Variants in PRKCA observed in about 807,000 individuals in gnomAD.
PRKCA encodes protein kinase C alpha type.
In PRKCA, 27 loss-of-function variants were observed where a neutral mutation model predicts 87.0. The observed-to-expected ratio is 0.31, with a 90% confidence interval of 0.23 to 0.43. The LOEUF (loss-of-function observed/expected upper bound fraction) is 0.43. Among genes scored for constraint, PRKCA ranks in the 20% least tolerant of loss-of-function variants. PRKCA has a pLI of 1.00. For synonymous variants in PRKCA, 329 were observed against 311.1 expected (o/e 1.06, Z -0.61); for missense variants, 518 against 852.3 (o/e 0.61, Z 4.88).
At chr17:66,511,484 CGTT>C (rs1209471399) in intron 3 of PRKCA, among the ~76,000 whole-genome samples, 1 of 152,046 alleles carries the variant, frequency 6.6e-6, no homozygotes, top group East Asian at 1.9e-4. Flanking sequence ...TCATCGTAAT[CGTT>C]GTTTTTTCCC....
intron 3 of PRKCA, among the ~76,000 whole-genome samples, chr17:66,571,054 C>T (rs1969065973): frequency 6.6e-6 from 1 of 152,206 alleles, no homozygotes. Context: ...TTTGCATAAA[C>T]CACACATTCC....
chr17:66,501,970 A>G (rs1436264511), intron 3 of PRKCA, among the ~76,000 whole-genome samples: 2 of 152,144 alleles, frequency 1.3e-5, no homozygotes, highest in East Asian at 1.9e-4. Context: ...AGGAAGGGCT[A>G]GTGGTGTGGG....
At chr17:66,769,717 A>G (rs1406532862) in intron 13 of PRKCA, among the ~76,000 whole-genome samples, 2 of 152,194 alleles carry the variant, frequency 1.3e-5, no homozygotes. Context: ...ATGTTTGTGG[A>G]ACCTTGTCAC....
At chr17:66,544,994 T>C (rs2143162848) in intron 3 of PRKCA, among the ~76,000 whole-genome samples, 1 of 152,378 alleles carries the variant, frequency 6.6e-6, no homozygotes, top group East Asian at 1.9e-4. Flanking sequence ...GATAAGTAAC[T>C]TACCGAAAGT....
At chr17:66,486,691 G>GA (rs1168614409) in intron 2 of PRKCA, among the ~76,000 whole-genome samples, 1 of 152,018 alleles carries the variant, frequency 6.6e-6, no homozygotes, top group East Asian at 1.9e-4. Context: ...ACAGTCCCCC[G>GA]TTGTCTTTTG....
At chr17:66,453,647 C>T (rs1567837309) in intron 2 of PRKCA, among the ~76,000 whole-genome samples, 1 of 152,126 alleles carries the variant, frequency 6.6e-6, no homozygotes, top group African/African-American at 2.4e-5. Context: ...CCCTGCTTGC[C>T]TCCCTTTGCG....
chr17:66,693,416 TG>T lies in PRKCA; in HGVS notation c.918+4372del, dbSNP rs552316339. Among the ~76,000 whole-genome samples the T allele has an allele frequency of 3.9e-3, 601 of 152,340 alleles. 4 individuals are homozygous for T. Among genetic ancestry groups the T allele is most frequent in the African/African-American group, 0.014 (563 of 41,570 alleles). ...GTTAAAAAAAGTAAGGTGCCAGCAG[TG>T]GGCTAAGCAGACAGTTCCTGCTTTC... On this transcript the variant is annotated intron_variant, in intron 8 of 16. Coordinates refer to ENST00000413366, the MANE Select transcript of PRKCA (RefSeq NM_002737.3).
chr17:66,330,954 C>CT (rs1906288272), intron 2 of PRKCA, among the ~76,000 whole-genome samples: 1 of 152,156 alleles, frequency 6.6e-6, no homozygotes, highest in Non-Finnish European at 1.5e-5. Context: ...TTTAGTAAGA[C>CT]TTTCATCTGT....
intron 2 of PRKCA, among the ~76,000 whole-genome samples, chr17:66,456,641 C>T (rs1914586199): frequency 6.6e-6 from 1 of 152,172 alleles, no homozygotes; most frequent in African/African-American, 2.4e-5. Flanking sequence ...GCTCCCTTCT[C>T]TGCTGTTGGA....
intron 16 of PRKCA, among the ~76,000 whole-genome samples, chr17:66,798,472 GGTGGTGGT>G (rs1467780281): frequency 9.8e-4 from 62 of 62,946 alleles, no homozygotes; most frequent in Non-Finnish European, 1.3e-3. Flanking sequence ...TGGTGGTGGT[GGTGGTGGT>G]GGTGGTGACG....
At chr17:66,401,435 G>A (rs1467944933) in intron 2 of PRKCA, among the ~76,000 whole-genome samples, 1 of 152,170 alleles carries the variant, frequency 6.6e-6, no homozygotes, top group Non-Finnish European at 1.5e-5. Context: ...TGACATTCAG[G>A]GAGATGATAG....
chr17:66,531,254 A>G (rs1300901193), intron 3 of PRKCA, among the ~76,000 whole-genome samples: 1 of 152,206 alleles, frequency 6.6e-6, no homozygotes, highest in Non-Finnish European at 1.5e-5. Flanking sequence ...CCGCGTTCAC[A>G]TAGGGTTCTG....
intron 3 of PRKCA, among the ~76,000 whole-genome samples, chr17:66,606,015 G>A (rs1970198279): frequency 6.6e-6 from 1 of 152,202 alleles, no homozygotes; most frequent in Non-Finnish European, 1.5e-5. Context: ...GGAGCACACT[G>A]TATTAAAAAC....
chr17:66,493,495 G>A (rs1050237924), intron 2 of PRKCA, among the ~76,000 whole-genome samples: 1 of 151,950 alleles, frequency 6.6e-6, no homozygotes, highest in Non-Finnish European at 1.5e-5. Context: ...TCCATCACAT[G>A]GTGACTCAGC....
chr17:66,305,960 A>G, intron 1 of PRKCA, 136 bp from the exon 2 acceptor site: 1 of 786,258 alleles, frequency 1.3e-6, no homozygotes, highest in Non-Finnish European at 2.1e-6. Context: ...ATATTTAGGT[A>G]TGTTTTTTTC....
chr17:66,473,540 T>C (rs1915416411), intron 2 of PRKCA, among the ~76,000 whole-genome samples: 2 of 152,152 alleles, frequency 1.3e-5, no homozygotes, highest in Non-Finnish European at 2.9e-5. Context: ...TCTACTGTTG[T>C]TCAAGTGTGT....
chr17:66,558,356 A>G (rs1968565964), intron 3 of PRKCA, among the ~76,000 whole-genome samples: 1 of 152,072 alleles, frequency 6.6e-6, no homozygotes, highest in Non-Finnish European at 1.5e-5. Context: ...GTAGGCGAAA[A>G]ACAAGGAGTA....
intron 14 of PRKCA, among the ~76,000 whole-genome samples, chr17:66,782,253 C>G (rs1975256343): frequency 6.6e-6 from 1 of 151,076 alleles, no homozygotes; most frequent in African/African-American, 2.4e-5. Context: ...AAAATAGTCT[C>G]TATCTTTGCA....
At chr17:66,523,060 A>G (rs1233527567) in intron 3 of PRKCA, among the ~76,000 whole-genome samples, 2 of 152,112 alleles carry the variant, frequency 1.3e-5, no homozygotes, top group Non-Finnish European at 2.9e-5. Context: ...TAAAGTTTGT[A>G]TACAGGAGAG....
Sources: gnomAD v4.1 joint callset for allele counts (sites outside exome capture counted in the v4.1 genomes callset) on GRCh38, gnomAD v4.1.1 for gene constraint, MANE v1.5 for transcripts, NCBI Gene and HGNC (gene_info 2026-07-23, HGNC 2026-07-21) for gene names.